Variants in COL4A2 observed in about 807,000 individuals in gnomAD.
The protein encoded by COL4A2 is collagen type IV alpha 2 chain.
Under a neutral mutation model 200.2 loss-of-function variants are expected in COL4A2, and 99 were observed. That is an observed-to-expected ratio of 0.49 (90% CI 0.42 to 0.58). COL4A2 has a LOEUF of 0.58. Ranked by LOEUF, COL4A2 falls within the 20% of genes least tolerant of loss-of-function variation. COL4A2 has a pLI of 0.00. For synonymous variants in COL4A2, 897 were observed against 900.6 expected, an observed-to-expected ratio of 1.00 and a Z score of 0.07; for missense variants, 1,950 against 2,314.1, an observed-to-expected ratio of 0.84 and a Z score of 3.23.
chr13:110,374,796 G>A (rs1878166468), intron 4 of COL4A2, among the ~76,000 whole-genome samples: 1 of 152,050 alleles, frequency 6.6e-6, no homozygotes, highest in Non-Finnish European at 1.5e-5. Context: ...CTAACCTCAT[G>A]CCGATTATAC....
At chr13:110,472,816 C>T (rs1238912166) in intron 28 of COL4A2, 113 bp from the exon 29 acceptor site, 1 of 895,924 alleles carries the variant, frequency 1.1e-6, no homozygotes, top group Admixed American at 2.2e-5. Flanking sequence ...TGAGGAATGC[C>T]TTCTGAGGAC....
At chr13:110,313,575 C>T (rs1168067006) in intron 3 of COL4A2, among the ~76,000 whole-genome samples, 5 of 47,034 alleles carry the variant, frequency 1.1e-4, no homozygotes, top group Non-Finnish European at 2.1e-4. Context: ...ACCCCAGTGC[C>T]CCGTGTCCAC....
At chr13:110,317,100 GACAC>G (rs916018841) in intron 3 of COL4A2, among the ~76,000 whole-genome samples, 3 of 147,462 alleles carry the variant, frequency 2.0e-5, no homozygotes, top group Non-Finnish European at 4.5e-5. Context: ...CACACATACA[GACAC>G]ACACATGCAC....
intron 3 of COL4A2, 30 bp from the exon 4 acceptor site, chr13:110,357,442 T>TTTTC (rs1248287761): frequency 6.4e-7 from 1 of 1,564,030 alleles, no homozygotes; most frequent in South Asian, 1.2e-5. Context: ...TTTAGGTAAC[T>TTTTC]TTTCTTTGCC....
At chr13:110,315,154 C>T (rs553785955) in intron 3 of COL4A2, among the ~76,000 whole-genome samples, 33 of 152,274 alleles carry the variant, frequency 2.2e-4, no homozygotes, top group African/African-American at 6.7e-4. Flanking sequence ...CAGGCCTTAG[C>T]CCCGGGGGGA....
At chr13:110,496,075 C>T (rs888318420) in intron 40 of COL4A2, among the ~76,000 whole-genome samples, 2 of 152,224 alleles carry the variant, frequency 1.3e-5, no homozygotes, top group Admixed American at 1.3e-4. Context: ...CCCACCTCAC[C>T]AGCCTGACCA....
In COL4A2 at chr13:110,503,411, G is replaced by T; in HGVS notation, c.4068G>T (p.Gly1356=). The T allele has an allele frequency of 6.3e-7, 1 of 1,598,544 alleles. No homozygotes were observed. Among genetic ancestry groups the T allele is most frequent in the South Asian group, 1.1e-5 (1 of 88,936 alleles). ...KGPRGEQGFM[G]NTGPTGAVGD... is the part of the protein sequence containing the mutation. ...CCAGGGGTGAACAAGGCTTCATGGG[G>T]AACACTGGACCCACTGGGGCGGTGG... Residue 1356 remains glycine (G), a synonymous_variant, in exon 43 of 48, where the codon GGG becomes GGT. Transcript: ENST00000360467.
intron 3 of COL4A2, among the ~76,000 whole-genome samples, chr13:110,356,770 CT>C (rs66516455): frequency 0.59 from 79,825 of 136,278 alleles, 23,524 homozygotes; most frequent in East Asian, 0.68. Context: ...TTTATAGGCA[CT>C]TTTTTTTTTT....
intron 4 of COL4A2, among the ~76,000 whole-genome samples, chr13:110,375,755 G>A (rs996533595): frequency 2.0e-5 from 3 of 152,120 alleles, no homozygotes; most frequent in East Asian, 1.9e-4. Context: ...ACTTGAACCC[G>A]GGAGTCGGAG....
chr13:110,414,574 G>A (rs759320327), intron 4 of COL4A2, among the ~76,000 whole-genome samples: 3 of 152,196 alleles, frequency 2.0e-5, no homozygotes, highest in Admixed American at 6.5e-5. Flanking sequence ...TGACTCTCAC[G>A]CTGCCGACCC....
chr13:110,470,880 C>G (rs1882445973), intron 28 of COL4A2, among the ~76,000 whole-genome samples: 1 of 152,130 alleles, frequency 6.6e-6, no homozygotes, highest in Non-Finnish European at 1.5e-5. Flanking sequence ...AAACCCTGAC[C>G]CTGTTTCCTT....
At chr13:110,370,090 T>C (rs565003820) in intron 4 of COL4A2, among the ~76,000 whole-genome samples, 2 of 152,228 alleles carry the variant, frequency 1.3e-5, no homozygotes, top group South Asian at 4.2e-4. Context: ...AGTGAAATGA[T>C]TTCCCCCTGT....
intron 43 of COL4A2, 67 bp downstream of exon 43, chr13:110,503,548 C>A: frequency 1.0e-6 from 1 of 993,002 alleles, no homozygotes; most frequent in Non-Finnish European, 1.5e-6. Context: ...TGGGGACATC[C>A]TGGAGGTCAA....
At chr13:110,336,440 G>A (rs1018359123) in intron 3 of COL4A2, among the ~76,000 whole-genome samples, 2 of 152,216 alleles carry the variant, frequency 1.3e-5, no homozygotes, top group Admixed American at 6.5e-5. Flanking sequence ...AAGAGGCCTG[G>A]GAGGTGGGAT....
At chr13:110,458,328 T>G in intron 21 of COL4A2, 1 of 355,998 alleles carries the variant, frequency 2.8e-6, no homozygotes, top group South Asian at 2.1e-5. Flanking sequence ...ATGTCTTCCC[T>G]GCTCACCTAT....
chr13:110,486,696 G>A (rs1377405228), intron 34 of COL4A2, among the ~76,000 whole-genome samples: 1 of 152,090 alleles, frequency 6.6e-6, no homozygotes, highest in Non-Finnish European at 1.5e-5. Flanking sequence ...TGAAAAGAGA[G>A]TCAGCGAAGG....
chr13:110,393,431 AGGC>A (rs1594188772), intron 4 of COL4A2, among the ~76,000 whole-genome samples: 2 of 152,338 alleles, frequency 1.3e-5, no homozygotes, highest in East Asian at 3.9e-4. Context: ...GTATAATGTA[AGGC>A]TATATAAAAT....
At chr13:110,499,444 T>G (rs1172167701) in intron 40 of COL4A2, among the ~76,000 whole-genome samples, 1 of 152,180 alleles carries the variant, frequency 6.6e-6, no homozygotes, top group African/African-American at 2.4e-5. Flanking sequence ...GAGAACAGCA[T>G]GAGGATAGCC....
Position 110,307,999 on chromosome 13 carries a change from G to A in COL4A2, c.44+52G>A, listed in dbSNP as rs770723628. ...TGGGTCACGCGCGCATGGACCCTTC[G>A]GTGTAACTCTCGGGGACTGACAAGC... On this transcript the variant is annotated intron_variant, in intron 2 of 47. Coordinates refer to ENST00000360467, the MANE Select transcript of COL4A2 (RefSeq NM_001846.4). This position sits in a 1 kb window ranked among gnomAD's most constrained non-coding sequence, Gnocchi z 5.0. 6.8e-6 allele frequency: 11 copies of A among 1,611,230 alleles called. No homozygotes were observed. The Admixed American group carries it at 1.8e-4, about 27-fold the overall frequency.
Sources: gnomAD v4.1 joint callset for allele counts (sites outside exome capture counted in the v4.1 genomes callset) on GRCh38, gnomAD v4.1.1 for gene constraint, Gnocchi (gnomAD v3.1) non-coding constraint, MANE v1.5 for transcripts, NCBI Gene and HGNC (gene_info 2026-07-23, HGNC 2026-07-21) for gene names.